The following TNFSF10 variants were observed in gnomAD, a reference collection of about 807,000 sequenced individuals.
TNFSF10 encodes tumor necrosis factor ligand superfamily member 10.
A neutral mutation model predicts 29.5 loss-of-function variants in TNFSF10; 13 were observed. The ratio of observed to expected loss-of-function variants is 0.44; its 90% confidence interval spans 0.29 to 0.70. The LOEUF is 0.70. Among genes scored for constraint, TNFSF10 ranks in the 30% least tolerant of loss-of-function variants. The pLI, the probability that TNFSF10 is intolerant of heterozygous loss-of-function variation, is 0.13. For synonymous variants in TNFSF10, 111 were observed against 112.8 expected, an observed-to-expected ratio of 0.98 and a Z score of 0.10; for missense variants, 345 against 330.9, an observed-to-expected ratio of 1.04 and a Z score of -0.33.
intron 4 of TNFSF10, among the ~76,000 whole-genome samples, chr3:172,508,898 AAG>A (rs1560144274): frequency 1.5e-5 from 2 of 130,352 alleles, no homozygotes; most frequent in African/African-American, 5.9e-5. Flanking sequence ...TAAAAAAAAA[AAG>A]GAAAGAAAGA....
At chr3:172,521,600 T>C (rs2108451513) in intron 1 of TNFSF10, among the ~76,000 whole-genome samples, 1 of 152,304 alleles carries the variant, frequency 6.6e-6, no homozygotes, top group Non-Finnish European at 1.5e-5. Flanking sequence ...ACACTGTTGG[T>C]GGGAGTATAA....
chr3:172,514,566 G>A (rs961066313), intron 2 of TNFSF10, among the ~76,000 whole-genome samples: 3 of 152,092 alleles, frequency 2.0e-5, no homozygotes, highest in African/African-American at 4.8e-5. Flanking sequence ...TCATTACCCT[G>A]TGTGTGCCTC....
Position 172,506,778 on chromosome 3 carries a change from T to G in TNFSF10, c.560A>C (p.Gln187Pro). Residue 187 changes from glutamine to proline, a missense_variant, in exon 5 of 5, where the codon CAA (glutamine) becomes CCA (proline). Transcript: ENST00000241261. ...HEKGFYYIYS[Q>P]TYFRFQEEIK... ...TTCCTCCTGAAATCGAAAGTATGTT[T>G]GGGAATAGATGTAGTAAAACCCTTT... is the stretch of plus-strand genomic sequence containing the variant. 1 of 1,614,232 alleles carries G rather than the reference T, an allele frequency of 6.2e-7. No homozygotes were observed. Among genetic ancestry groups the G allele is most frequent in the Non-Finnish European group, 8.5e-7 (1 of 1,180,048 alleles).
In TNFSF10 at chr3:172,523,286, T is replaced by C. The variant is rs777505415; in HGVS notation, c.99A>G (p.Val33=). The change falls in exon 1 of 5, where the codon GTA becomes GTG. Residue 33 remains valine, a synonymous_variant. Coordinates refer to ENST00000241261, the MANE Select transcript of TNFSF10 (RefSeq NM_003810.4). ...TVLLQSLCVA[V]TYVYFTNELK... is the part of the protein sequence containing the mutation. ...GCTCGTTGGTAAAGTACACGTAAGTTACAGCCACACAGAGAGACTGCAGGA... is the reference window on the plus strand; with the variant it reads ...GCTCGTTGGTAAAGTACACGTAAGTCACAGCCACACAGAGAGACTGCAGGA... 6.2e-7 allele frequency: 1 copy of C among 1,613,946 alleles called. No homozygotes were observed. Among genetic ancestry groups the C allele is most frequent in the South Asian group, 1.1e-5 (1 of 91,082 alleles).
rs1041385877 is a variant in TNFSF10, at chr3:172,509,119, C to T, written c.418+98G>A. 12 of 926,550 alleles carry T rather than the reference C, an allele frequency of 1.3e-5. No individual in the cohort carries two copies. The South Asian group carries it at 1.9e-4, about 14-fold the overall frequency. 57.4% of individuals were successfully genotyped at this position (926,550 alleles called of 1,614,324 possible). A position where few individuals can be genotyped will look rare whatever the true frequency, so the allele number is the denominator to read the frequency against. On this transcript the variant is annotated intron_variant, in intron 4 of 4. Transcript: ENST00000241261. The stretch of plus-strand genomic sequence containing the variant: ...TAATACTGAGCATTTTGTAGATAGC[C>T]ATATAAACATTTCAGATAAAATTCT...
intron 3 of TNFSF10, among the ~76,000 whole-genome samples, chr3:172,510,098 G>C (rs1396857066): frequency 2.0e-5 from 3 of 152,132 alleles, no homozygotes; most frequent in Non-Finnish European, 4.4e-5. Context: ...AACAGACAGT[G>C]CTAGGGTAAG....
chr3:172,520,413 AG>A (rs1450937389), intron 1 of TNFSF10, among the ~76,000 whole-genome samples: 59 of 152,364 alleles, frequency 3.9e-4, no homozygotes, highest in Non-Finnish European at 2.9e-5. Flanking sequence ...GCAGAATGCC[AG>A]TCCTTTGTAT....
At chr3:172,507,025 G>T in intron 4 of TNFSF10, 106 bp from the exon 5 acceptor site, 2 of 969,374 alleles carry the variant, frequency 2.1e-6, no homozygotes, top group South Asian at 1.8e-5. Flanking sequence ...GGGCTTGCCA[G>T]GGATTTCAAT....
chr3:172,517,348 G>T, intron 1 of TNFSF10: 2 of 985,400 alleles, frequency 2.0e-6, no homozygotes, highest in Non-Finnish European at 2.4e-6. Context: ...TCAGGAGGAG[G>T]TGGAAGGAAC....
At chr3:172,523,200 A>G in intron 1 of TNFSF10, 53 bp downstream of exon 1, 2 of 1,523,228 alleles carry the variant, frequency 1.3e-6, no homozygotes, top group Non-Finnish European at 1.8e-6. Context: ...AGAAGCAGGT[A>G]ACCAGACATT....
chr3:172,514,338 C>T (rs1053735184), intron 2 of TNFSF10, among the ~76,000 whole-genome samples: 1 of 152,122 alleles, frequency 6.6e-6, no homozygotes. Context: ...AAAAAACCAC[C>T]TTCAATTTCT....
chr3:172,523,419 AG>A lies in TNFSF10; in HGVS notation c.-36del, dbSNP rs1224843824. 5.0e-6 allele frequency: 8 copies of A among 1,594,164 alleles called. No individual in the cohort carries two copies. Among genetic ancestry groups the A allele is most frequent in the African/African-American group, 1.3e-5 (1 of 74,522 alleles). On this transcript the variant is annotated 5_prime_UTR_variant, in exon 1 of 5. Transcript: ENST00000241261. ...AGAGTCTGACTGCTGTAAGTCAGCC[AG>A]GCAGCCGGTCACTGAAGCCCTTCCT...
chr3:172,514,572 G>C (rs1713353752), intron 2 of TNFSF10, among the ~76,000 whole-genome samples: 1 of 152,156 alleles, frequency 6.6e-6, no homozygotes, highest in Admixed American at 6.5e-5. Context: ...CCCTGTGTGT[G>C]CCTCAGTTTC....
At chr3:172,516,644 T>A (rs758637451) in intron 1 of TNFSF10, among the ~76,000 whole-genome samples, 2 of 152,184 alleles carry the variant, frequency 1.3e-5, no homozygotes, top group South Asian at 4.1e-4. Flanking sequence ...AGAAAAACAT[T>A]CCCGTAGTAT....
rs879172852 is a variant in TNFSF10 at position 172,523,140 on chromosome 3, C to A, written c.132+113G>T. ...TGATTTAGCAGTTAGAGTGTACCCA[C>A]AGAGAAAGGAAGCAGGAAAGTCTTC... On this transcript the variant is annotated intron_variant, in intron 1 of 4. Transcript: ENST00000241261. 5 of 1,334,324 alleles carry A rather than the reference C, an allele frequency of 3.7e-6. No homozygotes were observed. In the South Asian group the frequency reaches 8.4e-5, roughly 23 times the overall value. The allele number at this position is 1,334,324 out of a possible 1,614,324, so 82.7% of individuals were successfully genotyped here.
At chr3:172,512,328 C>T (rs533431533) in intron 2 of TNFSF10, among the ~76,000 whole-genome samples, 27 of 152,270 alleles carry the variant, frequency 1.8e-4, no homozygotes, top group Non-Finnish European at 3.2e-4. Flanking sequence ...TGGGGAAAAC[C>T]AGTAAGAAAG....
Position 172,506,877 on chromosome 3 carries a change from C to T in TNFSF10, c.461G>A (p.Trp154Ter). The T allele has an allele frequency of 6.2e-7, 1 of 1,613,638 alleles. No individual in the cohort carries two copies. Among genetic ancestry groups the T allele is most frequent in the Non-Finnish European group, 8.5e-7 (1 of 1,179,892 alleles). ...EKALGRKINS[W>*]ESSRSGHSFL... ...TGAATGCCCACTCCTTGATGATTCCCAGGAGTTTATTTTGCGGCCCAGAGC... is the reference window on the plus strand; with the variant it reads ...TGAATGCCCACTCCTTGATGATTCCTAGGAGTTTATTTTGCGGCCCAGAGC... The change falls in exon 5 of 5, where the codon TGG becomes TAG. Residue 154 changes from tryptophan (W) to a stop codon, truncating the protein, a stop_gained. Transcript: ENST00000241261. LOFTEE classifies it low-confidence loss of function (END_TRUNC).
chr3:172,512,175 A>T (rs1030746155), intron 2 of TNFSF10, among the ~76,000 whole-genome samples: 1 of 152,200 alleles, frequency 6.6e-6, no homozygotes, highest in Non-Finnish European at 1.5e-5. Flanking sequence ...TACATAGCCT[A>T]TCGAGGTATA....
chr3:172,518,071 G>A (rs766552076), intron 1 of TNFSF10: 263 of 1,003,264 alleles, frequency 2.6e-4, no homozygotes, highest in Non-Finnish European at 3.1e-4. Context: ...AATACGATAC[G>A]TCTCCCCCGC....
Sources: allele counts gnomAD v4.1 joint callset (sites outside exome capture counted in the v4.1 genomes callset), GRCh38; gene constraint gnomAD v4.1.1; transcripts MANE v1.5; gene names NCBI Gene and HGNC (gene_info 2026-07-23, HGNC 2026-07-21).